Variants in ANKRD35 observed in about 807,000 individuals in gnomAD.
ANKRD35 encodes ankyrin repeat domain 35.
In ANKRD35, 102 loss-of-function variants were observed where a neutral mutation model predicts 109.9. That is an observed-to-expected ratio of 0.93 (90% CI 0.79 to 1.09). ANKRD35 has a LOEUF of 1.09. Among genes scored for constraint, ANKRD35 ranks in the 50% least tolerant of loss-of-function variants. ANKRD35 has a pLI of 0.00. For synonymous variants in ANKRD35, 515 were observed against 512.4 expected (o/e 1.01, Z -0.07); for missense variants, 1,240 against 1,230.1 (o/e 1.01, Z -0.12).
chr1:145,872,499 A>T lies in ANKRD35; in HGVS notation c.2270T>A (p.Leu757Ter), dbSNP rs1553738960. The T allele has an allele frequency of 6.2e-7, 1 of 1,600,678 alleles. No homozygotes were observed. Among genetic ancestry groups the T allele is most frequent in the Admixed American group, 1.8e-5 (1 of 57,086 alleles). The change falls in exon 10 of 14, where the codon TTG becomes TAG. Residue 757 changes from leucine (L) to a stop codon, truncating the protein, a stop_gained. Coordinates refer to ENST00000355594, the MANE Select transcript of ANKRD35 (RefSeq NM_144698.5). LOFTEE classifies it high-confidence loss of function. ...CCTACACGGGGACAAGGACCCCCGC[A>T]ACTGCTGGTTTTCTTCTTGCAGCCG... The part of the protein sequence containing the change: ...LARLQEENQQ[L>*]RGSLSPCREP...
At position 145,872,114 on chromosome 1, in the gene ANKRD35, G is replaced by C. The variant is rs782637082; in HGVS notation, c.2655C>G (p.Ala885=). The change falls in exon 10 of 14, where the codon GCC becomes GCG. Residue 885 remains alanine, a synonymous_variant. Coordinates refer to ENST00000355594, the MANE Select transcript of ANKRD35 (RefSeq NM_144698.5). ...AEERRRSGDL[A]AQAAEQERQA... ...GGCGCTCTTGTTCGGCTGCCTGAGC[G>C]GCCAGGTCCCCGCTCCGGCGGCGCT... is the stretch of plus-strand genomic sequence containing the variant. 2.5e-6 allele frequency: 4 copies of C among 1,611,812 alleles called. No homozygotes were observed. In the Admixed American group the frequency reaches 5.0e-5, roughly 20 times the overall value.
chr1:145,875,221 C>T (rs1171327252), intron 7 of ANKRD35, among the ~76,000 whole-genome samples: 3 of 152,020 alleles, frequency 2.0e-5, no homozygotes, highest in African/African-American at 7.3e-5. Context: ...TCTCGGCTCA[C>T]TGCAACCTCT....
intron 1 of ANKRD35, among the ~76,000 whole-genome samples, chr1:145,881,399 AAC>A (rs1654279604): frequency 6.6e-6 from 1 of 152,218 alleles, no homozygotes; most frequent in Admixed American, 6.5e-5. Context: ...TTTCCAGATA[AAC>A]AGTCTCAAGT....
chr1:145,878,710 A>G (rs1654180085), intron 2 of ANKRD35, among the ~76,000 whole-genome samples: 1 of 152,238 alleles, frequency 6.6e-6, no homozygotes, highest in African/African-American at 2.4e-5. Context: ...AAGGAATCTC[A>G]GACTATTGCA....
intron 10 of ANKRD35, among the ~76,000 whole-genome samples, chr1:145,871,146 CTTTTTTCTTTTTT>C (rs1653798190): frequency 3.9e-5 from 2 of 51,570 alleles, no homozygotes; most frequent in African/African-American, 1.2e-4. Flanking sequence ...TCTTTCTTTT[CTTTTTTCTTTTTT>C]TTTTTTTTTT....
At chr1:145,877,815 A>G (rs1553740397) in intron 4 of ANKRD35, among the ~76,000 whole-genome samples, 153 bp downstream of exon 4, 2 of 152,256 alleles carry the variant, frequency 1.3e-5, no homozygotes, top group African/African-American at 4.8e-5. Flanking sequence ...TAGTAGTTAA[A>G]TAAATGTTGG....
rs782536282 is a variant in ANKRD35, at chr1:145,877,948, T to C, written c.324+20A>G. 1.2e-6 allele frequency: 2 copies of C among 1,611,998 alleles called. No homozygotes were observed. The highest frequency in any genetic ancestry group is 1.7e-6 in the Non-Finnish European group (2 of 1,178,312). ...CCACTTCTTCCCTTCATAAGAGTGG[T>C]ATCAAGGGACTGCTCTTACCTGAAG... is the stretch of plus-strand genomic sequence containing the variant. On this transcript the variant is annotated intron_variant, in intron 4 of 13. Coordinates refer to ENST00000355594, the MANE Select transcript of ANKRD35 (RefSeq NM_144698.5).
At chr1:145,880,914 T>C (rs189328112) in intron 1 of ANKRD35, among the ~76,000 whole-genome samples, 1 of 152,344 alleles carries the variant, frequency 6.6e-6, no homozygotes, top group East Asian at 1.9e-4. Flanking sequence ...TTCCATCTCT[T>C]TGACAGAAGA....
chr1:145,885,046 G>A (rs1329724191), intron 1 of ANKRD35, among the ~76,000 whole-genome samples: 1 of 152,208 alleles, frequency 6.6e-6, no homozygotes, highest in African/African-American at 2.4e-5. Context: ...GTAGGGCAGA[G>A]GTTGGAGGGG....
rs781939918 is a variant in ANKRD35, at chr1:145,872,875, C to T, written c.1894G>A (p.Gly632Arg). The change falls in exon 10 of 14, where the codon GGG (glycine) becomes AGG (arginine). Residue 632 changes from glycine (G) to arginine (R), a missense_variant. Gly to Arg is a moderately radical substitution (Grantham distance 125). Transcript: ENST00000355594. ...CTCTGCCGCTCCCGCCCCAACTCCC[C>T]TAACTCCTCCAGCAAGTTACTGTTG... is the stretch of plus-strand genomic sequence containing the variant. ...LSNSNLLEEL[G>R]ELGRERQRLQ... 5.0e-6 allele frequency: 8 copies of T among 1,614,174 alleles called. No individual in the cohort carries two copies. Among genetic ancestry groups the T allele is most frequent in the Non-Finnish European group, 5.9e-6 (7 of 1,180,032 alleles).
chr1:145,874,503 AG>A (rs1474922779), intron 8 of ANKRD35, among the ~76,000 whole-genome samples: 2 of 152,194 alleles, frequency 1.3e-5, no homozygotes, highest in Non-Finnish European at 2.9e-5. Flanking sequence ...CTGTCACCTA[AG>A]GGGGTTACAA....
At chr1:145,868,131 G>A (rs1438328204) in intron 11 of ANKRD35, 75 bp from the exon 12 acceptor site, 1 of 1,534,628 alleles carries the variant, frequency 6.5e-7, no homozygotes, top group Non-Finnish European at 9.0e-7. Flanking sequence ...ACAATGAAGT[G>A]GTCAGCAGTA....
intron 10 of ANKRD35, among the ~76,000 whole-genome samples, chr1:145,871,392 A>T (rs1653814899): frequency 1.3e-5 from 2 of 150,746 alleles, no homozygotes; most frequent in Non-Finnish European, 3.0e-5. Flanking sequence ...CAAACCCCTG[A>T]CCTCAGGTGA....
chr1:145,876,134 G>A lies in ANKRD35; in HGVS notation c.560+6C>T, dbSNP rs1344243135. 4 of 1,612,980 alleles carry A rather than the reference G, an allele frequency of 2.5e-6. No individual in the cohort carries two copies. The highest frequency in any genetic ancestry group is 3.4e-6 in the Non-Finnish European group (4 of 1,179,476). ...GAATTGGGGTGCATAGACGAGGGGG[G>A]CTCACTTGTCATTCTTGTCTGTAAC... On this transcript the variant is annotated splice_donor_region_variant and intron_variant, in intron 7 of 13. Transcript: ENST00000355594.
chr1:145,879,119 A>G, intron 2 of ANKRD35, 139 bp downstream of exon 2: 1 of 1,196,072 alleles, frequency 8.4e-7, no homozygotes, highest in Non-Finnish European at 1.1e-6. Context: ...TGTAGCAAAA[A>G]ACTATTGATA....
At chr1:145,875,085 G>T in intron 7 of ANKRD35, 79 bp from the exon 8 acceptor site, 2 of 1,421,262 alleles carry the variant, frequency 1.4e-6, no homozygotes, top group Non-Finnish European at 1.9e-6. Context: ...CCACTCACAG[G>T]GTAAGCTCTC....
In ANKRD35 at chr1:145,873,745, G is replaced by A. The variant is rs782700935; in HGVS notation, c.1024C>T (p.Gln342Ter). The A allele has an allele frequency of 3.1e-6, 5 of 1,613,366 alleles. No homozygotes were observed. The highest frequency in any genetic ancestry group is 4.2e-6 in the Non-Finnish European group (5 of 1,179,692). Residue 342 changes from glutamine (Q) to a stop codon, truncating the protein, a stop_gained, in exon 10 of 14, where the codon CAG becomes TAG. Transcript: ENST00000355594. LOFTEE classifies it high-confidence loss of function. Reference protein sequence around the residue: ...DLENQIREQAQELGVLLSWEP... With the variant: ...DLENQIREQA The stretch of plus-strand genomic sequence containing the variant: ...CAGGATAGGAGGACCCCTAGCTCCT[G>A]CGCCTGCTCTCGAATCTGGTTCTCA...
intron 3 of ANKRD35, 66 bp downstream of exon 3, chr1:145,878,325 C>T: frequency 6.8e-7 from 1 of 1,471,982 alleles, no homozygotes; most frequent in Middle Eastern, 2.0e-4. Flanking sequence ...GGGCCCAGCA[C>T]CGCCCCCGAC....
chr1:145,868,737 C>T (rs1419069997), intron 10 of ANKRD35, among the ~76,000 whole-genome samples: 2 of 152,152 alleles, frequency 1.3e-5, no homozygotes, highest in African/African-American at 4.8e-5. Context: ...AAAAGTGGGC[C>T]TCTACTGTGA....
Sources: allele counts gnomAD v4.1 joint callset (sites outside exome capture counted in the v4.1 genomes callset), GRCh38; gene constraint gnomAD v4.1.1; transcripts MANE v1.5; gene names NCBI Gene and HGNC (gene_info 2026-07-23, HGNC 2026-07-21).